Variants in FAM227B observed in about 807,000 individuals in gnomAD.
The protein encoded by FAM227B is family with sequence similarity 227 member B.
In FAM227B, 88 loss-of-function variants were observed where a neutral mutation model predicts 73.8. The observed-to-expected ratio is 1.19, with a 90% CI of 1.00 to 1.42. The LOEUF is 1.42. Among genes scored for constraint, FAM227B ranks in the 40% most tolerant of loss-of-function variants. The probability of loss-of-function intolerance (pLI) is 0.00; values close to 1 mark genes in which losing one functional copy is unlikely to be tolerated. For synonymous variants in FAM227B, 210 were observed against 190.5 expected, an observed-to-expected ratio of 1.10 and a Z score of -0.84; for missense variants, 632 against 590.9, an observed-to-expected ratio of 1.07 and a Z score of -0.72.
intron 11 of FAM227B, among the ~76,000 whole-genome samples, chr15:49,454,225 A>T (rs2053055457): frequency 6.6e-6 from 1 of 152,200 alleles, no homozygotes; most frequent in South Asian, 2.1e-4. Flanking sequence ...AATAAATTGC[A>T]CTGGAATCCC....
chr15:49,449,711 C>G (rs891773456), intron 11 of FAM227B, among the ~76,000 whole-genome samples: 1 of 151,976 alleles, frequency 6.6e-6, no homozygotes, highest in African/African-American at 2.4e-5. Flanking sequence ...AGGTCTCTTT[C>G]GCTTCTATAC....
At chr15:49,379,759 C>T (rs971070554) in intron 11 of FAM227B, among the ~76,000 whole-genome samples, 1 of 152,206 alleles carries the variant, frequency 6.6e-6, no homozygotes, top group African/African-American at 2.4e-5. Context: ...TTTCTCCATT[C>T]TGAGCCACCT....
At chr15:49,383,573 G>T (rs939048497) in intron 11 of FAM227B, among the ~76,000 whole-genome samples, 6 of 151,950 alleles carry the variant, frequency 3.9e-5, no homozygotes, top group African/African-American at 7.3e-5. Flanking sequence ...TATCTCTGAG[G>T]TATGCCTATA....
At chr15:49,498,974 G>A (rs368268811) in intron 11 of FAM227B, among the ~76,000 whole-genome samples, 2,225 of 151,476 alleles carry the variant, frequency 0.015, 70 homozygotes, top group African/African-American at 0.052. Flanking sequence ...AGACCATCCC[G>A]GCTAAAACGG....
chr15:49,454,913 T>A (rs964303672), intron 11 of FAM227B, among the ~76,000 whole-genome samples: 1 of 152,094 alleles, frequency 6.6e-6, no homozygotes, highest in African/African-American at 2.4e-5. Flanking sequence ...CCAGCCATAA[T>A]ATATTCTTAA....
At chr15:49,468,063 C>CTATA (rs1280030806) in intron 11 of FAM227B, among the ~76,000 whole-genome samples, 1 of 152,062 alleles carries the variant, frequency 6.6e-6, no homozygotes, top group East Asian at 1.9e-4. Context: ...GAAAGTATTG[C>CTATA]TATAATTGTA....
At chr15:49,378,384 G>A (rs2046306833) in intron 11 of FAM227B, among the ~76,000 whole-genome samples, 1 of 151,766 alleles carries the variant, frequency 6.6e-6, no homozygotes, top group Non-Finnish European at 1.5e-5. Context: ...TCTGTAGATT[G>A]CTTTGGTTAG....
At chr15:49,474,963 A>G (rs2055119390) in intron 11 of FAM227B, among the ~76,000 whole-genome samples, 1 of 151,314 alleles carries the variant, frequency 6.6e-6, no homozygotes, top group Non-Finnish European at 1.5e-5. Context: ...TGAATTTAAG[A>G]TAATTTGAAT....
At chr15:49,422,172 GCGCGCGTGCA>G (rs1597084689) in intron 11 of FAM227B, among the ~76,000 whole-genome samples, 5 of 145,184 alleles carry the variant, frequency 3.4e-5, no homozygotes, top group African/African-American at 1.0e-4. Flanking sequence ...GTGCGCGCGC[GCGCGCGTGCA>G]CGCGTGTGTG....
At position 49,372,725 on chromosome 15, in the gene FAM227B, G is replaced by T. The variant is rs541648497; in HGVS notation, c.1013-1326C>A. ...TGTATCTTAACATCTGAGAAAAAAG[G>T]TGATCTGAGAGGTTTGTTCTAGACT... On this transcript the variant is annotated intron_variant, in intron 11 of 15. Transcript: ENST00000299338. 6.6e-5 allele frequency among the ~76,000 whole-genome samples: 10 copies of T among 152,222 alleles called. No homozygotes were observed. In the East Asian group the frequency reaches 1.7e-3, roughly 26 times the overall value.
chr15:49,401,977 T>G (rs868673399), intron 11 of FAM227B, among the ~76,000 whole-genome samples: 4 of 151,058 alleles, frequency 2.6e-5, no homozygotes, highest in Admixed American at 2.6e-4. Context: ...AATGTGCACA[T>G]GTACCCTAAA....
intron 2 of FAM227B, among the ~76,000 whole-genome samples, chr15:49,612,922 A>G (rs2078038348): frequency 6.6e-6 from 1 of 152,214 alleles, no homozygotes; most frequent in South Asian, 2.1e-4. Flanking sequence ...ACCATTATAG[A>G]AAATGAGTAT....
In FAM227B at chr15:49,452,266, T is replaced by C. The variant is rs1411964772; in HGVS notation, c.1012+55945A>G. ...TGGGGTTTCACTGTGTTGGCCAGGATGGTCTCGAACTCCTGACCTCAAGTT... is the reference window on the plus strand; with the variant it reads ...TGGGGTTTCACTGTGTTGGCCAGGACGGTCTCGAACTCCTGACCTCAAGTT... On this transcript the variant is annotated intron_variant, in intron 11 of 15. Coordinates refer to ENST00000299338, the MANE Select transcript of FAM227B (RefSeq NM_152647.3). Among the ~76,000 whole-genome samples, 4 of 152,274 alleles carry C rather than the reference T, an allele frequency of 2.6e-5. No individual in the cohort carries two copies. The East Asian group carries it at 7.7e-4, about 29-fold the overall frequency.
chr15:49,399,682 A>G (rs2047981415), intron 11 of FAM227B, among the ~76,000 whole-genome samples: 1 of 149,304 alleles, frequency 6.7e-6, no homozygotes, highest in Non-Finnish European at 1.5e-5. Flanking sequence ...CTGGGATGCA[A>G]GGCTGGTTCA....
intron 10 of FAM227B, among the ~76,000 whole-genome samples, chr15:49,510,141 G>C (rs2058879343): frequency 6.6e-6 from 1 of 151,968 alleles, no homozygotes. Context: ...TCCAACTAGG[G>C]AAGATAAAGA....
chr15:49,494,035 G>C (rs1264907110), intron 11 of FAM227B, among the ~76,000 whole-genome samples: 1 of 151,834 alleles, frequency 6.6e-6, no homozygotes, highest in Non-Finnish European at 1.5e-5. Context: ...TGGAACAAAT[G>C]AGCCTTTGGA....
At chr15:49,576,045 A>C (rs536196608) in intron 7 of FAM227B, 2 of 152,340 alleles carry the variant, frequency 1.3e-5, no homozygotes, top group South Asian at 2.1e-4. Context: ...ATAAACTCTC[A>C]TGGCAAGAAA....
At chr15:49,416,203 C>T (rs972783730) in intron 11 of FAM227B, among the ~76,000 whole-genome samples, 3 of 139,116 alleles carry the variant, frequency 2.2e-5, no homozygotes, top group Non-Finnish European at 4.6e-5. Flanking sequence ...AATGCATGCT[C>T]TGTTAGGGCA....
Position 49,501,154 on chromosome 15 carries a change from T to C in FAM227B, c.1012+7057A>G, listed in dbSNP as rs189595809. 2.0e-3 allele frequency among the ~76,000 whole-genome samples: 301 copies of C among 152,254 alleles called. 1 individual carries two copies. The highest frequency in any genetic ancestry group is 6.9e-3 in the African/African-American group (287 of 41,534). ...TGGTACCAGGAGTAGGGCATTGCTA[T>C]AAAGATACCTGAAAATGCAGAAGCA... On this transcript the variant is annotated intron_variant, in intron 11 of 15. Coordinates refer to ENST00000299338, the MANE Select transcript of FAM227B (RefSeq NM_152647.3).
Sources: gnomAD v4.1 joint callset for allele counts (sites outside exome capture counted in the v4.1 genomes callset) on GRCh38, gnomAD v4.1.1 for gene constraint, MANE v1.5 for transcripts, NCBI Gene and HGNC (gene_info 2026-07-23, HGNC 2026-07-21) for gene names.